The following SAMSN1 variants were observed in gnomAD, a reference collection of about 807,000 sequenced individuals.
SAMSN1 encodes the protein SAM domain, SH3 domain and nuclear localization signals 1.
A neutral mutation model predicts 42.0 loss-of-function variants in SAMSN1; 31 were observed. The ratio of observed to expected loss-of-function variants is 0.74; its 90% CI spans 0.55 to 1.00. SAMSN1 has a LOEUF of 1.00. Among genes scored for constraint, SAMSN1 ranks in the 50% least tolerant of loss-of-function variants. The pLI is 0.00. For synonymous variants in SAMSN1, 178 were observed against 151.9 expected, an observed-to-expected ratio of 1.17 and a Z score of -1.26; for missense variants, 464 against 439.4, an observed-to-expected ratio of 1.06 and a Z score of -0.50.
intron 7 of SAMSN1, among the ~76,000 whole-genome samples, chr21:14,593,215 A>G (rs983568979): frequency 6.6e-6 from 1 of 152,180 alleles, no homozygotes; most frequent in Non-Finnish European, 1.5e-5. Context: ...ATTCATACCT[A>G]CATAAAGAAA....
At chr21:14,515,407 T>C (rs1987869527) in intron 3 of SAMSN1, among the ~76,000 whole-genome samples, 1 of 152,182 alleles carries the variant, frequency 6.6e-6, no homozygotes, top group Admixed American at 6.5e-5. Context: ...AAAAGAATAG[T>C]CTTTTCAACA....
At chr21:14,527,357 C>G (rs923221526) in intron 1 of SAMSN1, among the ~76,000 whole-genome samples, 2 of 152,120 alleles carry the variant, frequency 1.3e-5, no homozygotes, top group Non-Finnish European at 2.9e-5. Context: ...TTAGAATTGC[C>G]TCAGTGTCAC....
intron 2 of SAMSN1, among the ~76,000 whole-genome samples, chr21:14,623,215 C>T (rs186417858): frequency 2.1e-4 from 32 of 152,104 alleles, no homozygotes; most frequent in African/African-American, 5.3e-4. Flanking sequence ...CATCAACTAA[C>T]GAGAAAAATA....
chr21:14,511,057 C>G (rs1170479565), intron 4 of SAMSN1, among the ~76,000 whole-genome samples: 1 of 152,204 alleles, frequency 6.6e-6, no homozygotes, highest in Admixed American at 6.5e-5. Flanking sequence ...TGTCTGGGAA[C>G]AAGAATGGCT....
chr21:14,488,065 G>T (rs1175556354), intron 7 of SAMSN1, among the ~76,000 whole-genome samples: 1 of 151,894 alleles, frequency 6.6e-6, no homozygotes, highest in Non-Finnish European at 1.5e-5. Context: ...TTTCTATCCT[G>T]CCTTGGCTTT....
At chr21:14,615,973 T>G (rs925920679) in intron 3 of SAMSN1, 16 of 593,910 alleles carry the variant, frequency 2.7e-5, no homozygotes, top group African/African-American at 2.0e-4. Context: ...AAATTTGACT[T>G]ACTTTCTCTT....
chr21:14,628,901 T>A (rs778974480), intron 2 of SAMSN1, among the ~76,000 whole-genome samples: 3 of 152,192 alleles, frequency 2.0e-5, no homozygotes, highest in African/African-American at 7.2e-5. Flanking sequence ...GTTGATACTA[T>A]TACAATTAAC....
intron 5 of SAMSN1, among the ~76,000 whole-genome samples, chr21:14,502,563 G>A (rs1987212794): frequency 6.6e-6 from 1 of 152,126 alleles, no homozygotes; most frequent in African/African-American, 2.4e-5. Context: ...TCCTGTAAGA[G>A]CTCCACAAAA....
exon 1 of SAMSN1, chr21:14,658,792 T>C (rs1348814295): frequency 2.8e-6 from 2 of 715,498 alleles, no homozygotes; most frequent in Non-Finnish European, 5.2e-6. Flanking sequence ...TTCACTCTCT[T>C]GTTGCCCTGC....
chr21:14,616,420 C>G (rs1163233173), intron 2 of SAMSN1, among the ~76,000 whole-genome samples: 4 of 152,056 alleles, frequency 2.6e-5, no homozygotes, highest in African/African-American at 9.7e-5. Flanking sequence ...AGACACATAC[C>G]TGGGTGTGTT....
intron 2 of SAMSN1, among the ~76,000 whole-genome samples, chr21:14,638,737 T>G (rs1474539869): frequency 6.6e-6 from 1 of 152,138 alleles, no homozygotes; most frequent in African/African-American, 2.4e-5. Flanking sequence ...ACAGTTGAAT[T>G]TGGCAAATTT....
At chr21:14,544,358 G>A (rs979354765) in intron 1 of SAMSN1, among the ~76,000 whole-genome samples, 1 of 152,206 alleles carries the variant, frequency 6.6e-6, no homozygotes, top group East Asian at 1.9e-4. Flanking sequence ...GACAGATACT[G>A]CTCTTTATTC....
At position 14,521,204 on chromosome 21, in the gene SAMSN1, C is replaced by T; in HGVS notation, c.75G>A (p.Gly25=). 1.2e-6 allele frequency: 2 copies of T among 1,610,450 alleles called. No homozygotes were observed. Among genetic ancestry groups the T allele is most frequent in the South Asian group, 2.2e-5 (2 of 90,406 alleles). The change falls in exon 2 of 8, where the codon GGG becomes GGA. Residue 25 remains glycine (G), a synonymous_variant. Transcript: ENST00000400566. ...HQKPKRSSSF[G]NFDRFRNNSL... ...AATTATTCCGAAAACGATCGAAATT[C>T]CCAAAACTGCTGCTTCGCTATAAAA... is the stretch of plus-strand genomic sequence containing the variant.
intron 1 of SAMSN1, among the ~76,000 whole-genome samples, chr21:14,524,675 T>C (rs1978719864): frequency 6.6e-6 from 1 of 152,198 alleles, no homozygotes; most frequent in Non-Finnish European, 1.5e-5. Context: ...TGTAGCACTT[T>C]TATATTATCA....
At chr21:14,591,400 G>C (rs1166501010) in intron 7 of SAMSN1, 2 of 152,106 alleles carry the variant, frequency 1.3e-5, no homozygotes, top group African/African-American at 4.8e-5. Flanking sequence ...TGCCTGTGAT[G>C]CACATTGCTT....
At chr21:14,535,586 G>A (rs1979554948) in intron 1 of SAMSN1, among the ~76,000 whole-genome samples, 1 of 152,194 alleles carries the variant, frequency 6.6e-6, no homozygotes, top group Non-Finnish European at 1.5e-5. Context: ...GACCATGACT[G>A]TATTTGGATA....
rs1483094695 is a variant in SAMSN1 at position 14,577,251 on chromosome 21, T to C, written c.261+4885A>G. On this transcript the variant is annotated intron_variant, in intron 2 of 8. Coordinates refer to the SAMSN1 transcript ENST00000285670. ...ATATATATGTGTGTATATATATATATATATATATATATATATATATATATA... is the reference window on the plus strand; with the variant it reads ...ATATATATGTGTGTATATATATATACATATATATATATATATATATATATA... Among the ~76,000 whole-genome samples, 163 of 36,070 alleles carry C rather than the reference T, an allele frequency of 4.5e-3. 19 individuals are homozygous for C. Among genetic ancestry groups the C allele is most frequent in the African/African-American group, 0.031 (157 of 5,000 alleles). The allele number at this position is 36,070 out of a possible 152,430, so 23.7% of individuals were successfully genotyped here.
chr21:14,546,423 G>GTAATTTTTTTTTC (rs1980397090), upstream of SAMSN1: 1 of 1,225,272 alleles, frequency 8.2e-7, no homozygotes, highest in Admixed American at 3.6e-5. Flanking sequence ...ATTTACATGG[G>GTAATTTTTTTTTC]TAATTTTTTT....
chr21:14,633,355 C>T (rs544091811), intron 2 of SAMSN1, among the ~76,000 whole-genome samples: 120 of 152,272 alleles, frequency 7.9e-4, no homozygotes, highest in Non-Finnish European at 1.1e-3. Context: ...TGTTGGACAA[C>T]GCTCCACTCC....
Sources: gnomAD v4.1 joint callset for allele counts (sites outside exome capture counted in the v4.1 genomes callset) on GRCh38, gnomAD v4.1.1 for gene constraint, MANE v1.5 for transcripts, NCBI Gene and HGNC (gene_info 2026-07-23, HGNC 2026-07-21) for gene names.